The following TMC1 variants were observed in gnomAD, a reference collection of about 807,000 sequenced individuals.
TMC1 encodes the protein transmembrane channel-like protein 1.
TMC1 carries 84 observed loss-of-function variants against 105.8 expected under a neutral mutation model. That is an observed-to-expected ratio of 0.79 (90% confidence interval 0.67 to 0.95). The LOEUF (loss-of-function observed/expected upper bound fraction) is 0.95, where lower values mean the gene tolerates loss of function less well. Among genes scored for constraint, TMC1 ranks in the 40% least tolerant of loss-of-function variants. The pLI, the probability that TMC1 is intolerant of heterozygous loss-of-function variation, is 0.00. For missense variants in TMC1, 817 were observed against 914.1 expected (o/e 0.89, Z 1.37); for synonymous variants, 315 against 311.5 (o/e 1.01, Z -0.12).
At chr9:72,809,970 AG>A (rs1828670851) in intron 18 of TMC1, among the ~76,000 whole-genome samples, 1 of 151,974 alleles carries the variant, frequency 6.6e-6, no homozygotes, top group African/African-American at 2.4e-5. Context: ...AGAGAGAGAG[AG>A]ACAGGCGTGC....
chr9:72,828,869 C>T (rs1828999417), intron 21 of TMC1, among the ~76,000 whole-genome samples: 1 of 152,170 alleles, frequency 6.6e-6, no homozygotes, highest in Non-Finnish European at 1.5e-5. Context: ...GGGCCAGAGG[C>T]AAATTAGGCC....
chr9:72,747,908 A>G (rs72733057), intron 10 of TMC1, among the ~76,000 whole-genome samples: 2,764 of 152,126 alleles, frequency 0.018, 40 homozygotes, highest in Non-Finnish European at 0.027. Flanking sequence ...CTCTGTTTTT[A>G]TACATTAATA....
At chr9:72,637,105 G>A (rs1283127086) in intron 4 of TMC1, among the ~76,000 whole-genome samples, 1 of 151,696 alleles carries the variant, frequency 6.6e-6, no homozygotes, top group Admixed American at 6.6e-5. Flanking sequence ...GGGCAAAAAT[G>A]TCAGCAGCCC....
At chr9:72,738,785 G>A (rs971573989) in intron 8 of TMC1, among the ~76,000 whole-genome samples, 2 of 151,538 alleles carry the variant, frequency 1.3e-5, no homozygotes, top group African/African-American at 2.4e-5. Context: ...TATGTTGAAG[G>A]GTCTTTTCTG....
At chr9:72,755,755 A>G (rs1429075070) in intron 12 of TMC1, among the ~76,000 whole-genome samples, 3 of 152,206 alleles carry the variant, frequency 2.0e-5, no homozygotes, top group African/African-American at 7.2e-5. Flanking sequence ...ATAAAATTTT[A>G]TACAGATTGC....
At chr9:72,689,664 T>G (rs1174033509) in intron 6 of TMC1, among the ~76,000 whole-genome samples, 1 of 152,152 alleles carries the variant, frequency 6.6e-6, no homozygotes, top group East Asian at 1.9e-4. Context: ...ATCTTCCTGG[T>G]AAATTGACCC....
At chr9:72,738,554 A>C (rs1827337830) in intron 8 of TMC1, among the ~76,000 whole-genome samples, 1 of 152,048 alleles carries the variant, frequency 6.6e-6, no homozygotes, top group Non-Finnish European at 1.5e-5. Flanking sequence ...AGTAGCTGGG[A>C]CTACAGGTAC....
chr9:72,811,941 G>A (rs916864818), intron 18 of TMC1, among the ~76,000 whole-genome samples: 1 of 152,130 alleles, frequency 6.6e-6, no homozygotes, highest in Non-Finnish European at 1.5e-5. Flanking sequence ...CTGTGAGGTG[G>A]TATTATTGTT....
chr9:72,576,452 T>C (rs2132094634), intron 1 of TMC1, among the ~76,000 whole-genome samples: 1 of 151,844 alleles, frequency 6.6e-6, no homozygotes, highest in South Asian at 2.1e-4. Context: ...TCCTCTCCTT[T>C]AGGTGCTCAG....
chr9:72,724,283 A>T (rs1827079407), intron 8 of TMC1, among the ~76,000 whole-genome samples: 1 of 152,204 alleles, frequency 6.6e-6, no homozygotes, highest in African/African-American at 2.4e-5. Flanking sequence ...GGCAAGGGTC[A>T]TCCAATGGTG....
At chr9:72,783,966 T>G (rs1368291838) in intron 13 of TMC1, among the ~76,000 whole-genome samples, 1 of 152,148 alleles carries the variant, frequency 6.6e-6, no homozygotes, top group Non-Finnish European at 1.5e-5. Context: ...ATAAAAACTC[T>G]TGAAGAAATC....
intron 3 of TMC1, among the ~76,000 whole-genome samples, chr9:72,621,930 G>T (rs57934869): frequency 6.6e-6 from 1 of 152,008 alleles, no homozygotes; most frequent in Non-Finnish European, 1.5e-5. Flanking sequence ...TTTGAATGTT[G>T]ATAATAATTT....
At chr9:72,772,622 G>A in intron 13 of TMC1, 67 bp downstream of exon 13, 14 of 1,597,858 alleles carry the variant, frequency 8.8e-6, no homozygotes, top group Non-Finnish European at 1.2e-5. Context: ...GATTAATTTG[G>A]GGATTGGATA....
At chr9:72,583,222 AAAAAAC>A (rs888588346) in intron 2 of TMC1, among the ~76,000 whole-genome samples, 16 of 152,150 alleles carry the variant, frequency 1.1e-4, no homozygotes, top group East Asian at 5.8e-4. Flanking sequence ...ACTTCATCTC[AAAAAAC>A]AAAAACAAAA....
At chr9:72,797,551 T>C (rs1564561796) in intron 17 of TMC1, among the ~76,000 whole-genome samples, 1 of 151,836 alleles carries the variant, frequency 6.6e-6, no homozygotes, top group Non-Finnish European at 1.5e-5. Context: ...ATAGATAACT[T>C]AGAAATAAAA....
chr9:72,587,446 C>T (rs1433506967), intron 2 of TMC1, among the ~76,000 whole-genome samples: 1 of 152,196 alleles, frequency 6.6e-6, no homozygotes, highest in Non-Finnish European at 1.5e-5. Context: ...GCATGAGCCA[C>T]TGTGCCCAGC....
Position 72,789,236 on chromosome 9 carries a change from C to T in TMC1, c.1143C>T (p.Tyr381=), listed in dbSNP as rs757327146. The change falls in exon 15 of 24, where the codon TAC becomes TAT. Residue 381 remains tyrosine (Y), a synonymous_variant. Coordinates refer to ENST00000297784, the MANE Select transcript of TMC1 (RefSeq NM_138691.3). ...FVFLTLGGSG[Y]LIFWAVKRSQ... ...TTCTAACACTTGGAGGGAGTGGATA[C>T]CTCATCTTTTGGGCTGTGAAGCGAT... The T allele has an allele frequency of 3.7e-6, 6 of 1,613,820 alleles. No homozygotes were observed. Among genetic ancestry groups the T allele is most frequent in the African/African-American group, 2.7e-5 (2 of 74,908 alleles).
chr9:72,762,515 G>A (rs150128737), intron 12 of TMC1, among the ~76,000 whole-genome samples: 172 of 152,244 alleles, frequency 1.1e-3, no homozygotes, highest in African/African-American at 3.8e-3. Context: ...CACATCCATC[G>A]TCTGGGCCTA....
chr9:72,660,298 G>C (rs1825953374), intron 5 of TMC1, among the ~76,000 whole-genome samples: 1 of 152,126 alleles, frequency 6.6e-6, no homozygotes, highest in Admixed American at 6.5e-5. Context: ...TGGTGAGTTT[G>C]AGAAATTGAA....
Sources: allele counts gnomAD v4.1 joint callset (sites outside exome capture counted in the v4.1 genomes callset), GRCh38; gene constraint gnomAD v4.1.1; transcripts MANE v1.5; gene names NCBI Gene and HGNC (gene_info 2026-07-23, HGNC 2026-07-21).